The following PHF14 variants were observed in gnomAD, a reference collection of about 807,000 sequenced individuals.
PHF14 encodes the protein PHD finger protein 14.
In PHF14, 55 loss-of-function variants were observed where a neutral mutation model predicts 117.9. The ratio of observed to expected loss-of-function variants is 0.47; its 90% CI spans 0.38 to 0.58. The LOEUF (loss-of-function observed/expected upper bound fraction) is 0.58. Among genes scored for constraint, PHF14 ranks in the 20% least tolerant of loss-of-function variants. The pLI, the probability that PHF14 is intolerant of heterozygous loss-of-function variation, is 0.00. For missense variants in PHF14, 978 were observed against 1,122.2 expected (o/e 0.87, Z 1.84); for synonymous variants, 409 against 368.6 (o/e 1.11, Z -1.26).
chr7:11,073,484 G>A (rs2128333911), intron 16 of PHF14, among the ~76,000 whole-genome samples: 1 of 152,280 alleles, frequency 6.6e-6, no homozygotes, highest in Middle Eastern at 3.4e-3. Context: ...AAATGCTTTG[G>A]GCAGCTCTGC....
At position 11,130,844 on chromosome 7, in the gene PHF14, A is replaced by T. The variant is rs1017751640; in HGVS notation, c.2772+19377A>T. 6.6e-6 allele frequency among the ~76,000 whole-genome samples: 1 copy of T among 151,934 alleles called. No homozygotes were observed. The highest frequency in any genetic ancestry group is 1.5e-5 in the Non-Finnish European group (1 of 67,902). On this transcript the variant is annotated intron_variant, in intron 17 of 17. Coordinates refer to ENST00000634607, the MANE Select transcript of PHF14 (RefSeq NM_001007157.2). This position sits in a 1 kb window ranked among gnomAD's most constrained non-coding sequence, Gnocchi z 4.2. ...GCCTATTCACCACTCCCTCTCTACC[A>T]TCAAACCACTGGCAACCACAGATCC...
chr7:11,032,200 A>G (rs1784143884), intron 7 of PHF14, among the ~76,000 whole-genome samples: 1 of 152,168 alleles, frequency 6.6e-6, no homozygotes, highest in Non-Finnish European at 1.5e-5. Context: ...GAAGTTCAAG[A>G]TTTCATTCTA....
At chr7:11,067,045 TA>T (rs1202487220) in intron 16 of PHF14, among the ~76,000 whole-genome samples, 2 of 152,124 alleles carry the variant, frequency 1.3e-5, no homozygotes, top group African/African-American at 4.8e-5. Flanking sequence ...ACCCATAGGA[TA>T]GGGGGGAATA....
At chr7:11,088,532 T>A (rs1408651302) in intron 16 of PHF14, among the ~76,000 whole-genome samples, 1 of 152,210 alleles carries the variant, frequency 6.6e-6, no homozygotes, top group Non-Finnish European at 1.5e-5. Flanking sequence ...AAATGTCTTT[T>A]ATAAATGTAT....
chr7:11,023,033 T>C (rs1173607216), intron 6 of PHF14, 54 bp downstream of exon 6: 7 of 910,360 alleles, frequency 7.7e-6, no homozygotes, highest in Non-Finnish European at 1.0e-5. Flanking sequence ...TACTTGTTAG[T>C]TTACCTGGCT....
intron 4 of PHF14, among the ~76,000 whole-genome samples, chr7:11,004,319 A>G (rs2128313739): frequency 1.4e-5 from 2 of 147,388 alleles, no homozygotes; most frequent in East Asian, 2.0e-4. Flanking sequence ...AGAGGTAAAT[A>G]TGCTTAAAAC....
intron 13 of PHF14, among the ~76,000 whole-genome samples, chr7:11,049,601 CT>C (rs1453035073): frequency 1.4e-4 from 22 of 151,918 alleles, no homozygotes; most frequent in African/African-American, 5.1e-4. Flanking sequence ...AGCAGTGTGC[CT>C]TTTTGTAATA....
chr7:11,015,050 T>G (rs2128316587), intron 5 of PHF14: 1 of 152,130 alleles, frequency 6.6e-6, no homozygotes, highest in Non-Finnish European at 1.5e-5. Flanking sequence ...ATAAGGATGT[T>G]TTAGTATTTT....
intron 16 of PHF14, among the ~76,000 whole-genome samples, chr7:11,100,421 C>T (rs1252614544): frequency 1.3e-5 from 2 of 151,856 alleles, no homozygotes; most frequent in African/African-American, 4.8e-5. Context: ...GTATATATAT[C>T]TCCATTTTAG....
chr7:11,010,201 A>T (rs1436963109), intron 4 of PHF14, among the ~76,000 whole-genome samples: 1 of 152,094 alleles, frequency 6.6e-6, no homozygotes, highest in Non-Finnish European at 1.5e-5. Context: ...AAATAGATTG[A>T]TGATACCGTT....
chr7:11,131,504 T>C (rs1021982194), intron 17 of PHF14, among the ~76,000 whole-genome samples: 2 of 151,946 alleles, frequency 1.3e-5, no homozygotes, highest in African/African-American at 4.8e-5. Flanking sequence ...GTTGTAAAAT[T>C]ATTGTTTAAT....
At chr7:11,044,391 G>A (rs1784600222) in intron 13 of PHF14, among the ~76,000 whole-genome samples, 1 of 152,030 alleles carries the variant, frequency 6.6e-6, no homozygotes, top group Non-Finnish European at 1.5e-5. Flanking sequence ...CTTCTAAAAG[G>A]GCGTAAACAA....
chr7:11,117,430 G>A (rs1336559364), intron 17 of PHF14, among the ~76,000 whole-genome samples: 3 of 151,718 alleles, frequency 2.0e-5, no homozygotes, highest in East Asian at 3.9e-4. Flanking sequence ...CTACAAATGC[G>A]TGACAGACTA....
chr7:11,051,480 C>T, intron 13 of PHF14, 132 bp from the exon 14 acceptor site: 1 of 660,428 alleles, frequency 1.5e-6, no homozygotes, highest in South Asian at 2.7e-5. Flanking sequence ...CATTATGTAC[C>T]CTATAATCAC....
intron 17 of PHF14, among the ~76,000 whole-genome samples, chr7:11,167,129 G>A (rs1161528928): frequency 2.0e-5 from 3 of 152,106 alleles, no homozygotes; most frequent in Non-Finnish European, 4.4e-5. Flanking sequence ...GGGTTATTAA[G>A]TCTTTACATT....
chr7:11,127,244 CTT>C (rs10668180), intron 17 of PHF14, among the ~76,000 whole-genome samples: 7 of 145,040 alleles, frequency 4.8e-5, no homozygotes, highest in Non-Finnish European at 6.0e-5. Flanking sequence ...CTTGCCCCTC[CTT>C]TTTTTTTTTT....
At chr7:10,990,647 G>GT (rs58175304) in intron 3 of PHF14, 56 bp from the exon 4 acceptor site, 26,409 of 955,800 alleles carry the variant, frequency 0.028, 97 homozygotes, top group East Asian at 0.069. Flanking sequence ...TAGTGATTAA[G>GT]TTTTTTTTTT....
chr7:11,105,517 C>G, intron 16 of PHF14: 2 of 979,740 alleles, frequency 2.0e-6, no homozygotes, highest in Non-Finnish European at 2.4e-6. Flanking sequence ...AGAATATTTA[C>G]ATCATTAAAT....
chr7:11,077,037 C>T (rs1785883380), intron 16 of PHF14, among the ~76,000 whole-genome samples: 1 of 151,826 alleles, frequency 6.6e-6, no homozygotes, highest in South Asian at 2.1e-4. Flanking sequence ...ATATATACTA[C>T]ATTTAATACT....
Sources: allele counts gnomAD v4.1 joint callset (sites outside exome capture counted in the v4.1 genomes callset), GRCh38; gene constraint gnomAD v4.1.1; non-coding constraint Gnocchi (gnomAD v3.1); transcripts MANE v1.5; gene names NCBI Gene and HGNC (gene_info 2026-07-23, HGNC 2026-07-21).